The following LRRC49 variants were observed in gnomAD, a reference collection of about 807,000 sequenced individuals.
LRRC49 encodes the protein leucine-rich repeat-containing protein 49.
Under a neutral mutation model 83.3 loss-of-function variants are expected in LRRC49, and 50 were observed. That is an observed-to-expected ratio of 0.60 (90% confidence interval 0.48 to 0.76). The LOEUF is 0.76. Ranked by LOEUF, LRRC49 falls within the 30% of genes least tolerant of loss-of-function variation. The pLI, the probability that LRRC49 is intolerant of heterozygous loss-of-function variation, is 0.00. For missense variants in LRRC49, 704 were observed against 809.1 expected, an observed-to-expected ratio of 0.87 and a Z score of 1.58; for synonymous variants, 286 against 283.3, an observed-to-expected ratio of 1.01 and a Z score of -0.10.
intron 9 of LRRC49, among the ~76,000 whole-genome samples, chr15:70,976,343 GA>G (rs541586966): frequency 6.6e-6 from 1 of 152,114 alleles, no homozygotes; most frequent in African/African-American, 2.4e-5. Context: ...CTCTTTGAGG[GA>G]AAAAACCCTG....
At chr15:70,859,658 CG>C (rs1567027325) in intron 1 of LRRC49, 1 of 646,010 alleles carries the variant, frequency 1.5e-6, no homozygotes, top group Non-Finnish European at 3.0e-6. Context: ...GAACATCAGC[CG>C]GCTCCAGGCT....
At chr15:70,900,618 A>T (rs1364685357) in intron 3 of LRRC49, 1 of 466,644 alleles carries the variant, frequency 2.1e-6, no homozygotes, top group South Asian at 1.6e-5. Flanking sequence ...ATAGACAGTT[A>T]GAATTTAAGA....
intron 14 of LRRC49, among the ~76,000 whole-genome samples, chr15:71,030,850 G>A (rs1428101629): frequency 1.3e-5 from 2 of 151,890 alleles, no homozygotes; most frequent in Non-Finnish European, 2.9e-5. Flanking sequence ...TTCTCGTGCT[G>A]TGTTTTTCAG....
chr15:71,028,173 G>A lies in LRRC49; in HGVS notation c.1704-9006G>A, dbSNP rs996857304. Among the ~76,000 whole-genome samples, 8 of 151,910 alleles carry A rather than the reference G, an allele frequency of 5.3e-5. No individual in the cohort carries two copies. In the East Asian group the frequency reaches 1.5e-3, roughly 29 times the overall value. On this transcript the variant is annotated intron_variant, in intron 14 of 15. Transcript: ENST00000260382. ...GCATGAAGCGATGTTTAATTTTATCGAAGGCCTTTTCTGCATCTGTTGAGA... is the reference window on the plus strand; with the variant it reads ...GCATGAAGCGATGTTTAATTTTATCAAAGGCCTTTTCTGCATCTGTTGAGA...
intron 2 of LRRC49, among the ~76,000 whole-genome samples, chr15:70,875,519 A>T (rs2033135428): frequency 6.6e-6 from 1 of 152,232 alleles, no homozygotes; most frequent in African/African-American, 2.4e-5. Flanking sequence ...AAGGCAAAGT[A>T]ACCTGCCTAG....
At chr15:70,985,251 G>A (rs1255741761) in intron 11 of LRRC49, among the ~76,000 whole-genome samples, 2 of 150,710 alleles carry the variant, frequency 1.3e-5, no homozygotes, top group Non-Finnish European at 3.0e-5. Flanking sequence ...CACCAACAGT[G>A]TAAAAGTGTT....
At chr15:70,923,408 TA>T (rs2035078908) in intron 7 of LRRC49, among the ~76,000 whole-genome samples, 1 of 152,138 alleles carries the variant, frequency 6.6e-6, no homozygotes, top group South Asian at 2.1e-4. Context: ...CATACAAGTT[TA>T]AAATTAATAT....
intron 9 of LRRC49, among the ~76,000 whole-genome samples, chr15:70,973,372 C>T (rs1197795372): frequency 1.3e-5 from 2 of 152,154 alleles, no homozygotes; most frequent in Non-Finnish European, 2.9e-5. Flanking sequence ...CCCAGAGGGG[C>T]ACCCGCCAGA....
At chr15:70,992,853 C>T (rs1277364461) in intron 11 of LRRC49, among the ~76,000 whole-genome samples, 3 of 152,176 alleles carry the variant, frequency 2.0e-5, no homozygotes, top group Non-Finnish European at 4.4e-5. Context: ...AGGAGGCAGT[C>T]TGTCTGTTCT....
chr15:70,953,227 A>G (rs917043047), intron 8 of LRRC49, among the ~76,000 whole-genome samples: 10 of 152,326 alleles, frequency 6.6e-5, no homozygotes, highest in Non-Finnish European at 8.8e-5. Context: ...TATAATATCA[A>G]TGAAGTATGT....
intron 7 of LRRC49, among the ~76,000 whole-genome samples, chr15:70,932,651 C>T (rs530334110): frequency 1.4e-4 from 22 of 151,970 alleles, no homozygotes; most frequent in African/African-American, 5.1e-4. Context: ...AAAAATAGCT[C>T]CAGTGATAGA....
At chr15:70,881,775 CTAAT>C (rs1476979305) in intron 2 of LRRC49, 2 of 152,126 alleles carry the variant, frequency 1.3e-5, no homozygotes, top group African/African-American at 4.8e-5. Context: ...ATTAATCAAG[CTAAT>C]TAATGTGTCG....
upstream of LRRC49, chr15:70,891,836 CTCTT>C: frequency 1.3e-6 from 2 of 1,574,514 alleles, no homozygotes; most frequent in Non-Finnish European, 1.7e-6. Flanking sequence ...TCGGTGGTCT[CTCTT>C]TACCTGTGAA....
At chr15:70,858,342 C>G (rs924748370) in intron 1 of LRRC49, among the ~76,000 whole-genome samples, 1 of 152,190 alleles carries the variant, frequency 6.6e-6, no homozygotes, top group Non-Finnish European at 1.5e-5. Context: ...TGGCTCACGC[C>G]TGTAATCCCA....
intron 2 of LRRC49, among the ~76,000 whole-genome samples, chr15:70,880,724 T>TA (rs933345238): frequency 8.2e-5 from 12 of 146,552 alleles, no homozygotes; most frequent in Middle Eastern, 3.6e-3. Flanking sequence ...AAGTGAAGAG[T>TA]AAAAAAAAAA....
At chr15:70,886,702 C>T (rs2033416483) in intron 2 of LRRC49, among the ~76,000 whole-genome samples, 1 of 151,872 alleles carries the variant, frequency 6.6e-6, no homozygotes, top group African/African-American at 2.4e-5. Context: ...CCCATCACTA[C>T]TAAAAATACA....
At chr15:70,939,022 A>G (rs946188603) in intron 8 of LRRC49, among the ~76,000 whole-genome samples, 1 of 152,218 alleles carries the variant, frequency 6.6e-6, no homozygotes, top group African/African-American at 2.4e-5. Context: ...GGATATGTCT[A>G]TGCATATGTG....
At chr15:70,990,433 C>T (rs566261620) in intron 11 of LRRC49, among the ~76,000 whole-genome samples, 13 of 152,280 alleles carry the variant, frequency 8.5e-5, no homozygotes, top group Non-Finnish European at 2.9e-5. Context: ...TAGGACCCTC[C>T]GAGCCAGGTG....
chr15:70,936,865 G>A (rs766937349), intron 8 of LRRC49, 43 bp downstream of exon 8: 1 of 1,266,672 alleles, frequency 7.9e-7, no homozygotes, highest in South Asian at 1.2e-5. Context: ...TAACTTGATT[G>A]TGTGAGTTCT....
Sources: gnomAD v4.1 joint callset for allele counts (sites outside exome capture counted in the v4.1 genomes callset) on GRCh38, gnomAD v4.1.1 for gene constraint, MANE v1.5 for transcripts, NCBI Gene and HGNC (gene_info 2026-07-23, HGNC 2026-07-21) for gene names.